COL28A1: variants seen among roughly 807,000 people sequenced by gnomAD.
COL28A1 encodes the protein collagen alpha-1(XXVIII) chain.
COL28A1 carries 161 observed loss-of-function variants against 150.2 expected under a neutral mutation model. The ratio of observed to expected loss-of-function variants is 1.07; its 90% confidence interval spans 0.94 to 1.22. COL28A1 has a LOEUF of 1.22. COL28A1 is among the 50% of genes most tolerant of loss of function. The pLI is 0.00. For synonymous variants in COL28A1, 552 were observed against 469.7 expected, an observed-to-expected ratio of 1.18 and a Z score of -2.26; for missense variants, 1,617 against 1,388.3, an observed-to-expected ratio of 1.16 and a Z score of -2.62.
At chr7:7,366,916 T>A (rs541232451) in intron 33 of COL28A1, among the ~76,000 whole-genome samples, 8 of 152,246 alleles carry the variant, frequency 5.3e-5, no homozygotes, top group Non-Finnish European at 8.8e-5. Flanking sequence ...TGGGTGTGCA[T>A]GCACAGAGGC....
chr7:7,383,682 G>GTATATATATATATA lies in COL28A1; in HGVS notation c.2137-2084_2137-2071dup, dbSNP rs772285848. 8.3e-3 allele frequency among the ~76,000 whole-genome samples: 1,033 copies of GTATATATATATATA among 123,912 alleles called. 6 individuals carry two copies. The highest frequency in any genetic ancestry group is 9.8e-3 in the Non-Finnish European group (603 of 61,402). The allele number at this position is 123,912 out of a possible 152,430, so 81.3% of individuals were successfully genotyped here. On this transcript the variant is annotated intron_variant, in intron 27 of 34. Transcript: ENST00000399429. ...ATTTGAAATTTGTGTGTGTGTGTGT[G>GTATATATATATATA]TATATATATATATATATATATGTAT...
Position 7,419,969 on chromosome 7 carries a change from A to C in COL28A1, c.1999-16T>G, listed in dbSNP as rs1784305424. 1 of 1,549,726 alleles carries C rather than the reference A, an allele frequency of 6.5e-7. No individual in the cohort carries two copies. Among genetic ancestry groups the C allele is most frequent in the Admixed American group, 2.1e-5 (1 of 47,716 alleles). On this transcript the variant is annotated splice_polypyrimidine_tract_variant and intron_variant, in intron 25 of 34. Coordinates refer to ENST00000399429, the MANE Select transcript of COL28A1 (RefSeq NM_001037763.3). Reference sequence around the variant, plus strand: ...CAGGCTCTCCCTGAAAAGACACAACAAATAACAAGTTACTAATTTTTTAAA... The same window carrying C: ...CAGGCTCTCCCTGAAAAGACACAACCAATAACAAGTTACTAATTTTTTAAA...
In COL28A1 at chr7:7,467,802, C is replaced by G. The variant is rs973071076; in HGVS notation, c.1302+6799G>C. 5.9e-5 allele frequency among the ~76,000 whole-genome samples: 8 copies of G among 134,526 alleles called. 1 individual carries two copies. The highest frequency in any genetic ancestry group is 1.5e-4 in the African/African-American group (5 of 32,698). 88.3% of individuals were successfully genotyped at this position (134,526 alleles called of 152,430 possible). A position where few individuals can be genotyped will look rare whatever the true frequency, so the allele number is the denominator to read the frequency against. ...CAAACTAGAACTCAGGATTAAAAAT[C>G]TCACTCAAAGCCGCTCAACTACATG... is the stretch of plus-strand genomic sequence containing the variant. On this transcript the variant is annotated intron_variant, in intron 15 of 34. Coordinates refer to ENST00000399429, the MANE Select transcript of COL28A1 (RefSeq NM_001037763.3).
intron 27 of COL28A1, among the ~76,000 whole-genome samples, chr7:7,412,400 G>T (rs577137405): frequency 4.6e-5 from 7 of 152,100 alleles, no homozygotes; most frequent in African/African-American, 1.7e-4. Flanking sequence ...TTGGGTGTCT[G>T]TTTGGTATTG....
intron 15 of COL28A1, among the ~76,000 whole-genome samples, chr7:7,460,738 G>A (rs747149184): frequency 1.3e-5 from 2 of 152,232 alleles, no homozygotes; most frequent in Non-Finnish European, 2.9e-5. Context: ...TTTCGATAAT[G>A]TCTGGATTCA....
chr7:7,504,783 C>G (rs77070839), intron 11 of COL28A1, among the ~76,000 whole-genome samples: 2,218 of 152,288 alleles, frequency 0.015, 49 homozygotes, highest in African/African-American at 0.05. Flanking sequence ...CTCAAACATT[C>G]TATAATTCCA....
intron 8 of COL28A1, among the ~76,000 whole-genome samples, chr7:7,511,483 G>A (rs76716082): frequency 6.6e-6 from 1 of 152,150 alleles, no homozygotes; most frequent in African/African-American, 2.4e-5. Flanking sequence ...ACGGTCCAGG[G>A]AGATCAGCTT....
chr7:7,498,598 A>G (rs1780345755), intron 11 of COL28A1, among the ~76,000 whole-genome samples: 1 of 152,234 alleles, frequency 6.6e-6, no homozygotes, highest in Non-Finnish European at 1.5e-5. Context: ...ACATACTTAT[A>G]GATGGTTCAA....
At chr7:7,478,862 C>T (rs1789158636) in intron 13 of COL28A1, among the ~76,000 whole-genome samples, 1 of 152,234 alleles carries the variant, frequency 6.6e-6, no homozygotes, top group South Asian at 2.1e-4. Flanking sequence ...AGCCCATGCC[C>T]ACCCGGAATT....
At chr7:7,537,752 T>C (rs1028386323), upstream of COL28A1, among the ~76,000 whole-genome samples, 1 of 152,202 alleles carries the variant, frequency 6.6e-6, no homozygotes, top group African/African-American at 2.4e-5. Context: ...GTGGGTATAA[T>C]GCAGAAATAA....
Position 7,490,600 on chromosome 7 carries a change from C to T in COL28A1, c.1073G>A (p.Gly358Glu), listed in dbSNP as rs770820388. The change falls in exon 12 of 35, where the codon GGA becomes GAA. Residue 358 changes from glycine (G) to glutamate (E), a missense_variant. Coordinates refer to ENST00000399429, the MANE Select transcript of COL28A1 (RefSeq NM_001037763.3). The stretch of plus-strand genomic sequence containing the variant: ...TACCTTAATACCTTGCTGTCCAATT[C>T]CAGGAGCTCCTGGAGAACCATAAGG... ...PGPYGSPGAP[G>E]IGQQGIKGER... 2 of 1,386,590 alleles carry T rather than the reference C, an allele frequency of 1.4e-6. No homozygotes were observed. The highest frequency in any genetic ancestry group is 1.4e-5 in the African/African-American group (1 of 70,578). 85.9% of individuals were successfully genotyped at this position (1,386,590 alleles called of 1,614,324 possible).
intron 27 of COL28A1, among the ~76,000 whole-genome samples, chr7:7,388,024 AT>A (rs1324567922): frequency 6.6e-6 from 1 of 151,570 alleles, no homozygotes; most frequent in Non-Finnish European, 1.5e-5. Flanking sequence ...TTTCAGTTCA[AT>A]TTTTTTAAAT....
intron 27 of COL28A1, among the ~76,000 whole-genome samples, chr7:7,388,169 C>T (rs529238548): frequency 5.3e-5 from 8 of 152,120 alleles, no homozygotes; most frequent in Admixed American, 1.3e-4. Flanking sequence ...CCTAGCCCCC[C>T]ACCCCATGAC....
upstream of COL28A1, among the ~76,000 whole-genome samples, chr7:7,536,322 A>G (rs1230674114): frequency 6.6e-6 from 1 of 152,154 alleles, no homozygotes; most frequent in African/African-American, 2.4e-5. Flanking sequence ...GAAATTTTTT[A>G]TAATAAAAGG....
the COL28A1 span, among the ~76,000 whole-genome samples, chr7:7,345,334 T>C: frequency 6.6e-6 from 1 of 152,022 alleles, no homozygotes; most frequent in Non-Finnish European, 1.5e-5. Flanking sequence ...GCTTTTAATA[T>C]GTTCATTATT....
the COL28A1 span, among the ~76,000 whole-genome samples, chr7:7,542,078 G>A: frequency 2.6e-4 from 40 of 152,324 alleles, 1 homozygote; most frequent in South Asian, 7.9e-3. Flanking sequence ...GGCTGGGTGC[G>A]GTGGCTCACG....
At chr7:7,381,689 T>C in intron 27 of COL28A1, 77 bp from the exon 28 acceptor site, 3 of 967,356 alleles carry the variant, frequency 3.1e-6, no homozygotes, top group South Asian at 2.6e-5. Context: ...AGAAACACAC[T>C]TACGGTTTAA....
At chr7:7,375,789 A>G (rs1004888027) in intron 30 of COL28A1, among the ~76,000 whole-genome samples, 3 of 152,176 alleles carry the variant, frequency 2.0e-5, no homozygotes, top group Admixed American at 1.3e-4. Context: ...TCTGTGTCTC[A>G]GGGCTATGGT....
At chr7:7,411,761 T>C (rs917460228) in intron 27 of COL28A1, among the ~76,000 whole-genome samples, 2 of 152,202 alleles carry the variant, frequency 1.3e-5, no homozygotes, top group Non-Finnish European at 2.9e-5. Context: ...GTAATACTGA[T>C]GCTGTTTGAA....
Sources: gnomAD v4.1 joint callset for allele counts (sites outside exome capture counted in the v4.1 genomes callset) on GRCh38, gnomAD v4.1.1 for gene constraint, MANE v1.5 for transcripts, NCBI Gene and HGNC (gene_info 2026-07-23, HGNC 2026-07-21) for gene names.